The following LRP1B variants were observed in gnomAD, a reference collection of about 807,000 sequenced individuals.
The protein encoded by LRP1B is low-density lipoprotein receptor-related protein 1B.
Under a neutral mutation model 556.6 loss-of-function variants are expected in LRP1B, and 217 were observed. That is an observed-to-expected ratio of 0.39 (90% CI 0.35 to 0.44). The LOEUF is 0.44. Ranked by LOEUF, LRP1B falls within the 20% of genes least tolerant of loss-of-function variation. LRP1B has a pLI of 1.00. For synonymous variants in LRP1B, 2,047 were observed against 1,865.8 expected (o/e 1.10, Z -2.50); for missense variants, 5,053 against 5,620.8 (o/e 0.90, Z 3.23).
intron 2 of LRP1B, among the ~76,000 whole-genome samples, chr2:141,782,514 CTTT>C (rs5834867): frequency 9.1e-4 from 89 of 97,848 alleles, no homozygotes; most frequent in Middle Eastern, 0.019. Flanking sequence ...TTCTATTTTC[CTTT>C]TTTTTTTTTT....
At chr2:140,588,815 C>T (rs148456409) in intron 43 of LRP1B, among the ~76,000 whole-genome samples, 232 of 141,588 alleles carry the variant, frequency 1.6e-3, no homozygotes, top group African/African-American at 5.5e-3. Context: ...AAAAATCAGC[C>T]GGGTGTGGTG....
intron 3 of LRP1B, among the ~76,000 whole-genome samples, chr2:141,471,932 A>G (rs6759190): frequency 0.85 from 129,147 of 152,164 alleles, 55,435 homozygotes; most frequent in East Asian, 0.97. Context: ...AGATAAACAC[A>G]GGCTACCAGG....
At chr2:141,721,992 C>G (rs1433246286) in intron 2 of LRP1B, among the ~76,000 whole-genome samples, 1 of 152,176 alleles carries the variant, frequency 6.6e-6, no homozygotes, top group Non-Finnish European at 1.5e-5. Flanking sequence ...ATAGTTTCCT[C>G]CTCTAATCTT....
intron 1 of LRP1B, among the ~76,000 whole-genome samples, chr2:141,818,782 C>T (rs1231290008): frequency 3.3e-5 from 5 of 151,246 alleles, no homozygotes; most frequent in Admixed American, 6.6e-5. Flanking sequence ...GTGATCTGCC[C>T]GCCTTGGCCT....
intron 3 of LRP1B, among the ~76,000 whole-genome samples, chr2:141,469,334 A>G (rs1313700456): frequency 6.6e-6 from 1 of 152,212 alleles, no homozygotes; most frequent in Admixed American, 6.5e-5. Context: ...TTTTCAGAAT[A>G]TTACTTAATG....
chr2:140,699,105 T>C (rs1686539894), intron 41 of LRP1B, among the ~76,000 whole-genome samples: 2 of 152,096 alleles, frequency 1.3e-5, no homozygotes, highest in South Asian at 2.1e-4. Flanking sequence ...ACACTCATTG[T>C]ATTCATTCTT....
At position 140,565,442 on chromosome 2, in the gene LRP1B, T is replaced by C. The variant is rs545758487; in HGVS notation, c.7195-23471A>G. Among the ~76,000 whole-genome samples, 14 of 152,164 alleles carry C rather than the reference T, an allele frequency of 9.2e-5. No homozygotes were observed. The South Asian group carries it at 1.4e-3, about 16-fold the overall frequency. On this transcript the variant is annotated intron_variant, in intron 43 of 90. Coordinates refer to ENST00000389484, the MANE Select transcript of LRP1B (RefSeq NM_018557.3). The stretch of plus-strand genomic sequence containing the variant: ...TCTATATTAATATTCTCAACAAAAA[T>C]TGAAATGGTGCCAATTTACCAGATC...
rs139296018 is a variant in LRP1B, at chr2:141,130,592, C to T, written c.1013+57829G>A. 8.0e-3 allele frequency among the ~76,000 whole-genome samples: 1,211 copies of T among 152,028 alleles called. 47 individuals are homozygous for T. The highest frequency in any genetic ancestry group is 0.065 in the Admixed American group (992 of 15,244). ...TTTCCACATCTAAAAATGTACATGA[C>T]AGAGTTGTACCCGTGTGAGATAATG... On this transcript the variant is annotated intron_variant, in intron 7 of 90. Coordinates refer to ENST00000389484, the MANE Select transcript of LRP1B (RefSeq NM_018557.3).
chr2:140,266,795 T>G (rs1682223381), intron 86 of LRP1B, among the ~76,000 whole-genome samples: 1 of 152,102 alleles, frequency 6.6e-6, no homozygotes, highest in African/African-American at 2.4e-5. Flanking sequence ...TGATCTCTAT[T>G]TAATTGTTTT....
intron 3 of LRP1B, among the ~76,000 whole-genome samples, chr2:141,302,380 G>A (rs1686429309): frequency 6.6e-6 from 1 of 151,968 alleles, no homozygotes; most frequent in Admixed American, 6.6e-5. Context: ...AGTATTCCTT[G>A]TTCTTCAGAT....
intron 1 of LRP1B, 64 bp from the exon 2 acceptor site, chr2:141,810,465 C>T (rs778034148): frequency 2.7e-4 from 425 of 1,546,096 alleles, no homozygotes; most frequent in Non-Finnish European, 3.6e-4. Flanking sequence ...ACGAGCAGTA[C>T]AAACATGAAA....
chr2:140,838,483 G>T (rs147054381), intron 31 of LRP1B, among the ~76,000 whole-genome samples: 1 of 152,092 alleles, frequency 6.6e-6, no homozygotes, highest in Non-Finnish European at 1.5e-5. Context: ...TTATATGAGA[G>T]GTTTATTCTA....
intron 2 of LRP1B, among the ~76,000 whole-genome samples, chr2:141,523,759 C>T (rs1684603650): frequency 6.6e-6 from 1 of 152,084 alleles, no homozygotes; most frequent in African/African-American, 2.4e-5. Context: ...AGCAGAAGGA[C>T]ACTTTGTTAG....
At chr2:140,521,736 G>C (rs1389769034) in intron 49 of LRP1B, among the ~76,000 whole-genome samples, 4 of 151,924 alleles carry the variant, frequency 2.6e-5, no homozygotes, top group Non-Finnish European at 5.9e-5. Flanking sequence ...TTGTAAACTG[G>C]ATAAAAAAGC....
chr2:141,645,591 C>A (rs1478159079), intron 2 of LRP1B, among the ~76,000 whole-genome samples: 1 of 144,822 alleles, frequency 6.9e-6, no homozygotes, highest in African/African-American at 2.5e-5. Flanking sequence ...AACAACTAAT[C>A]TTTCAGGAAC....
intron 2 of LRP1B, among the ~76,000 whole-genome samples, chr2:141,732,538 C>T (rs902012643): frequency 6.6e-6 from 1 of 152,064 alleles, no homozygotes; most frequent in African/African-American, 2.4e-5. Flanking sequence ...GTTTAAACAT[C>T]ATCAACTGAG....
intron 60 of LRP1B, among the ~76,000 whole-genome samples, chr2:140,470,921 G>A (rs2105342108): frequency 6.6e-6 from 1 of 152,204 alleles, no homozygotes; most frequent in South Asian, 2.1e-4. Context: ...GCTTTCTCCA[G>A]TTTGAGGAGA....
intron 43 of LRP1B, among the ~76,000 whole-genome samples, chr2:140,547,648 T>C (rs139747515): frequency 3.2e-4 from 48 of 152,188 alleles, no homozygotes; most frequent in African/African-American, 1.2e-3. Context: ...TCCTGTTATG[T>C]AATATAGGAA....
At chr2:142,024,695 C>T (rs1703449830) in intron 1 of LRP1B, among the ~76,000 whole-genome samples, 2 of 146,292 alleles carry the variant, frequency 1.4e-5, no homozygotes, top group Admixed American at 1.4e-4. Context: ...ATCTGTGTGA[C>T]ATAGCCCTTT....
Sources: gnomAD v4.1 joint callset for allele counts (sites outside exome capture counted in the v4.1 genomes callset) on GRCh38, gnomAD v4.1.1 for gene constraint, MANE v1.5 for transcripts, NCBI Gene and HGNC (gene_info 2026-07-23, HGNC 2026-07-21) for gene names.